EML6: variants seen among roughly 807,000 people sequenced by gnomAD.
EML6 encodes the protein echinoderm microtubule-associated protein-like 6.
A neutral mutation model predicts 240.1 loss-of-function variants in EML6; 154 were observed. That is an observed-to-expected ratio of 0.64 (90% CI 0.56 to 0.73). The LOEUF (loss-of-function observed/expected upper bound fraction) is 0.73. EML6 is among the 30% of genes least tolerant of loss of function. The probability of loss-of-function intolerance (pLI) is 0.00; values close to 1 mark genes in which losing one functional copy is unlikely to be tolerated. For missense variants in EML6, 2,964 were observed against 2,474.6 expected (o/e 1.20, Z -4.20); for synonymous variants, 1,148 against 899.0 (o/e 1.28, Z -4.95).
At chr2:54,856,076 G>A (rs752158598) in intron 11 of EML6, among the ~76,000 whole-genome samples, 1 of 152,212 alleles carries the variant, frequency 6.6e-6, no homozygotes, top group African/African-American at 2.4e-5. Flanking sequence ...ATAACAATCA[G>A]TTGCACAGTA....
chr2:54,971,921 T>G lies in EML6; in HGVS notation c.*1826T>G, dbSNP rs1677039016. The G allele has an allele frequency of 6.6e-6, 1 of 152,250 alleles. No homozygotes were observed. Among genetic ancestry groups the G allele is most frequent in the Non-Finnish European group, 1.5e-5 (1 of 68,048 alleles). The allele number at this position is 152,250 out of a possible 1,614,324, so 9.4% of individuals were successfully genotyped here. A position where few individuals can be genotyped will look rare whatever the true frequency, so the allele number is the denominator to read the frequency against. ...GTATGTTCATAAATCCTGCACTGTA[T>G]GATATATGTGAGTTAAAACATTGGT... On this transcript the variant is annotated 3_prime_UTR_variant, in exon 42 of 42. Transcript: ENST00000356458.
intron 28 of EML6, among the ~76,000 whole-genome samples, chr2:54,931,664 G>T (rs933677261): frequency 6.6e-6 from 1 of 152,108 alleles, no homozygotes; most frequent in South Asian, 2.1e-4. Context: ...TGTATACCTG[G>T]GTGCTTTTTC....
In EML6 at chr2:54,853,596, G is replaced by A. The variant is rs190434800; in HGVS notation, c.1445-47G>A. ...TCAGATCTTTATAAAAAATAAATTA[G>A]AATAAACTTTTTATTTAAATGTAAT... On this transcript the variant is annotated intron_variant, in intron 10 of 41. Coordinates refer to ENST00000356458, the MANE Select transcript of EML6 (RefSeq NM_001039753.4). 7,109 of 1,164,422 alleles carry A rather than the reference G, an allele frequency of 6.1e-3. 24 individuals carry two copies. The highest frequency in any genetic ancestry group is 8.4e-3 in the South Asian group (450 of 53,396). 72.1% of individuals were successfully genotyped at this position (1,164,422 alleles called of 1,614,324 possible). A position where few individuals can be genotyped will look rare whatever the true frequency, so the allele number is the denominator to read the frequency against.
rs956702221 is a variant in EML6 at position 54,725,934 on chromosome 2, G to A, written c.197+676G>A. The stretch of plus-strand genomic sequence containing the variant: ...ACACAATGACCAACATCTGCTAGCG[G>A]ATGGCCCAAGACTGACTGACAGGAG... On this transcript the variant is annotated intron_variant, in intron 2 of 41. Coordinates refer to ENST00000356458, the MANE Select transcript of EML6 (RefSeq NM_001039753.4). The surrounding 1 kb of genome is among the most constrained non-coding windows in gnomAD (Gnocchi z 4.3). Among the ~76,000 whole-genome samples, 1 of 151,932 alleles carries A rather than the reference G, an allele frequency of 6.6e-6. No individual in the cohort carries two copies. The highest frequency in any genetic ancestry group is 1.5e-5 in the Non-Finnish European group (1 of 67,950).
At chr2:54,950,121 A>G (rs972417764) in intron 29 of EML6, among the ~76,000 whole-genome samples, 2 of 150,418 alleles carry the variant, frequency 1.3e-5, no homozygotes, top group Non-Finnish European at 2.9e-5. Flanking sequence ...GAGAAAGACT[A>G]TAAACCTCAA....
intron 28 of EML6, among the ~76,000 whole-genome samples, chr2:54,931,058 C>T (rs1573167935): frequency 2.7e-5 from 4 of 150,044 alleles, no homozygotes; most frequent in Admixed American, 1.3e-4. Context: ...CCCGGGTTCA[C>T]GCCATTCTCC....
chr2:54,799,774 A>G (rs1670020366), intron 2 of EML6, among the ~76,000 whole-genome samples: 1 of 152,240 alleles, frequency 6.6e-6, no homozygotes. Flanking sequence ...ATAATGGAAA[A>G]GAAATTGAGA....
intron 24 of EML6, among the ~76,000 whole-genome samples, chr2:54,906,904 G>A (rs1043194505): frequency 1.3e-5 from 2 of 152,192 alleles, no homozygotes; most frequent in Non-Finnish European, 2.9e-5. Flanking sequence ...TAGAAGCAGG[G>A]TTCTGTTTCA....
chr2:54,849,906 C>T (rs75416471), intron 9 of EML6, 56 bp from the exon 10 acceptor site: 4 of 1,436,580 alleles, frequency 2.8e-6, no homozygotes, highest in Non-Finnish European at 3.8e-6. Context: ...TATTTTAAAA[C>T]TTGGATTTTC....
At chr2:54,903,314 T>A in intron 23 of EML6, 57 bp from the exon 24 acceptor site, 1 of 1,532,806 alleles carries the variant, frequency 6.5e-7, no homozygotes. Flanking sequence ...ACTAAGTTCC[T>A]GGAAGTAAAT....
At chr2:54,873,239 A>C (rs1340752061) in intron 16 of EML6, among the ~76,000 whole-genome samples, 2 of 152,166 alleles carry the variant, frequency 1.3e-5, no homozygotes, top group Admixed American at 1.3e-4. Context: ...ACTGTAAATT[A>C]CTCTACAAAT....
At chr2:54,816,459 A>G (rs1668085987) in intron 3 of EML6, among the ~76,000 whole-genome samples, 1 of 152,220 alleles carries the variant, frequency 6.6e-6, no homozygotes, top group Non-Finnish European at 1.5e-5. Context: ...AAAAATTTTA[A>G]GTTAAAAATT....
At chr2:54,961,530 G>C (rs1176832514) in intron 35 of EML6, among the ~76,000 whole-genome samples, 1 of 151,816 alleles carries the variant, frequency 6.6e-6, no homozygotes, top group Admixed American at 6.6e-5. Context: ...CTTACTAAGA[G>C]CTTGAGCTGT....
At chr2:54,961,436 C>G (rs529342042) in intron 35 of EML6, among the ~76,000 whole-genome samples, 3 of 151,566 alleles carry the variant, frequency 2.0e-5, no homozygotes, top group South Asian at 4.2e-4. Flanking sequence ...ATCCACCCAC[C>G]ACGGCCTCCC....
intron 2 of EML6, among the ~76,000 whole-genome samples, chr2:54,733,048 G>T (rs1362890463): frequency 6.6e-6 from 1 of 152,206 alleles, no homozygotes; most frequent in Admixed American, 6.5e-5. Flanking sequence ...CTAAAGGGAG[G>T]TAGGCATCTG....
rs1284489828 is a variant in EML6, at chr2:54,968,192, G to A, written c.5662G>A (p.Ala1888Thr). ...TGCAGACAAGGCTGATGTCAACTGC[G>A]CATGTGTGACCCACGCTGGCCTGAA... is the stretch of plus-strand genomic sequence containing the variant. Reference protein sequence around the residue: ...RNADKADVNCACVTHAGLNIV... With the variant: ...RNADKADVNCTCVTHAGLNIV... The change falls in exon 40 of 42, where the codon GCA becomes ACA. Residue 1888 changes from alanine to threonine, a missense_variant. Transcript: ENST00000356458. 7 of 1,551,682 alleles carry A rather than the reference G, an allele frequency of 4.5e-6. No homozygotes were observed. The highest frequency in any genetic ancestry group is 2.4e-5 in the East Asian group (1 of 40,928).
At chr2:54,781,131 C>T (rs1172832683) in intron 2 of EML6, among the ~76,000 whole-genome samples, 1 of 152,158 alleles carries the variant, frequency 6.6e-6, no homozygotes, top group African/African-American at 2.4e-5. Context: ...TCCCAATGAC[C>T]CAACTATATA....
At position 54,827,633 on chromosome 2, in the gene EML6, A is replaced by G; in HGVS notation, c.593A>G (p.Gln198Arg). The G allele has an allele frequency of 6.4e-7, 1 of 1,551,738 alleles. No homozygotes were observed. Among genetic ancestry groups the G allele is most frequent in the Non-Finnish European group, 8.7e-7 (1 of 1,146,986 alleles). ...RGIFGKTGDL[Q>R]TILCLACAKE... ...ATATTTGGCAAAACAGGGGATCTTC[A>G]GACCATCCTTTGCCTTGCATGTGCC... is the stretch of plus-strand genomic sequence containing the variant. Residue 198 changes from glutamine (Q) to arginine (R), a missense_variant, in exon 6 of 42, where the codon CAG becomes CGG. Physicochemically the swap from Gln to Arg is conservative, Grantham distance 43. Transcript: ENST00000356458.
At chr2:54,848,647 T>C (rs1669904946) in intron 9 of EML6, among the ~76,000 whole-genome samples, 2 of 152,146 alleles carry the variant, frequency 1.3e-5, no homozygotes, top group South Asian at 4.1e-4. Flanking sequence ...AGAACGATTA[T>C]TTGCTATTCT....
Sources: gnomAD v4.1 joint callset for allele counts (sites outside exome capture counted in the v4.1 genomes callset) on GRCh38, gnomAD v4.1.1 for gene constraint, Gnocchi (gnomAD v3.1) non-coding constraint, MANE v1.5 for transcripts, NCBI Gene and HGNC (gene_info 2026-07-23, HGNC 2026-07-21) for gene names.